Variants in LPAR1 observed in about 807,000 individuals in gnomAD.
LPAR1 encodes lysophosphatidic acid receptor 1.
LPAR1 carries 5 observed loss-of-function variants against 23.8 expected under a neutral mutation model. The observed-to-expected ratio is 0.21, with a 90% CI of 0.11 to 0.44. LPAR1 has a LOEUF of 0.44. Among genes scored for constraint, LPAR1 ranks in the 20% least tolerant of loss-of-function variants. The pLI, the probability that LPAR1 is intolerant of heterozygous loss-of-function variation, is 0.99. For missense variants in LPAR1, 311 were observed against 482.8 expected (o/e 0.64, Z 3.33); for synonymous variants, 160 against 164.7 (o/e 0.97, Z 0.22).
intron 5 of LPAR1, among the ~76,000 whole-genome samples, chr9:110,939,143 G>A (rs531099429): frequency 4.6e-5 from 7 of 152,218 alleles, no homozygotes; most frequent in South Asian, 2.1e-4. Flanking sequence ...CCATGTAACC[G>A]TGCCTATCTA....
chr9:110,943,106 TTA>T (rs1458451640), intron 4 of LPAR1, among the ~76,000 whole-genome samples: 1 of 147,598 alleles, frequency 6.8e-6, no homozygotes, highest in Non-Finnish European at 1.5e-5. Flanking sequence ...TAATATATAA[TTA>T]TATATAATTA....
At chr9:111,038,608 A>C, upstream of LPAR1, 1 of 453,036 alleles carries the variant, frequency 2.2e-6, no homozygotes. This position sits in a 1 kb window ranked among gnomAD's most constrained non-coding sequence, Gnocchi z 4.4. Flanking sequence ...CAACACCCGA[A>C]CCCCCAGAGT....
intron 2 of LPAR1, among the ~76,000 whole-genome samples, chr9:111,011,481 T>C (rs988059051): frequency 1.3e-5 from 2 of 152,182 alleles, no homozygotes; most frequent in Non-Finnish European, 2.9e-5. Context: ...GAAAAACCCA[T>C]CCCTGGGACC....
chr9:110,925,903 C>T (rs1455728087), intron 5 of LPAR1, among the ~76,000 whole-genome samples: 2 of 152,038 alleles, frequency 1.3e-5, no homozygotes, highest in South Asian at 2.1e-4. Context: ...ATTAACATGT[C>T]ATCAGAACTG....
chr9:110,880,137 T>C (rs757070270), intron 5 of LPAR1, among the ~76,000 whole-genome samples: 2 of 152,086 alleles, frequency 1.3e-5, no homozygotes, highest in Non-Finnish European at 2.9e-5. Context: ...ACAAGTAACA[T>C]GGGGTGGAGG....
chr9:110,903,172 A>G (rs2089911596), intron 5 of LPAR1, among the ~76,000 whole-genome samples: 1 of 152,232 alleles, frequency 6.6e-6, no homozygotes, highest in Non-Finnish European at 1.5e-5. Context: ...GTGAAATGAC[A>G]ACTGACACTA....
intron 3 of LPAR1, 77 bp from the exon 4 acceptor site, chr9:110,972,297 G>A: frequency 1.7e-6 from 1 of 590,770 alleles, no homozygotes; most frequent in Non-Finnish European, 3.1e-6. Context: ...GGCCAAAGGA[G>A]GTAAGAATCC....
chr9:110,933,499 AT>A (rs1310070827), intron 5 of LPAR1, among the ~76,000 whole-genome samples: 2 of 152,190 alleles, frequency 1.3e-5, no homozygotes, highest in Admixed American at 1.3e-4. Context: ...TACTTTGTTA[AT>A]TCTGAAACCA....
At chr9:110,925,922 T>C (rs1349599541) in intron 5 of LPAR1, among the ~76,000 whole-genome samples, 1 of 152,120 alleles carries the variant, frequency 6.6e-6, no homozygotes, top group Non-Finnish European at 1.5e-5. Context: ...TGGTTTTTTT[T>C]TGTTTTTTGT....
intron 2 of LPAR1, among the ~76,000 whole-genome samples, chr9:110,982,028 G>T (rs1478815772): frequency 6.6e-6 from 1 of 152,158 alleles, no homozygotes; most frequent in Non-Finnish European, 1.5e-5. Context: ...GTGTTGGTAG[G>T]AGTGTAAATT....
At chr9:110,969,093 A>C (rs1179816724) in intron 4 of LPAR1, among the ~76,000 whole-genome samples, 1 of 152,098 alleles carries the variant, frequency 6.6e-6, no homozygotes, top group Non-Finnish European at 1.5e-5. Flanking sequence ...AATTACATTT[A>C]AATTTTTTCT....
intron 5 of LPAR1, among the ~76,000 whole-genome samples, chr9:110,880,342 T>C (rs2080404064): frequency 6.6e-6 from 1 of 152,142 alleles, no homozygotes; most frequent in African/African-American, 2.4e-5. Context: ...CGAGATCATA[T>C]TACCACACCT....
chr9:110,995,378 AG>A (rs966006972), intron 2 of LPAR1, among the ~76,000 whole-genome samples: 4 of 152,114 alleles, frequency 2.6e-5, no homozygotes, highest in African/African-American at 7.2e-5. Flanking sequence ...TGAGGTGGGG[AG>A]GGGGAAGAAA....
At chr9:110,924,055 G>GTT (rs1312207232) in intron 5 of LPAR1, among the ~76,000 whole-genome samples, 1 of 151,886 alleles carries the variant, frequency 6.6e-6, no homozygotes, top group East Asian at 1.9e-4. Flanking sequence ...TAACACAAAT[G>GTT]GTTGTAACAT....
intron 4 of LPAR1, among the ~76,000 whole-genome samples, chr9:110,951,873 A>C (rs1396560749): frequency 2.0e-5 from 3 of 152,252 alleles, no homozygotes; most frequent in Non-Finnish European, 4.4e-5. Context: ...TGGTGAAGGA[A>C]TAAATCACAA....
At chr9:110,875,878 G>A (rs1401971775) in intron 5 of LPAR1, among the ~76,000 whole-genome samples, 156 bp from the exon 6 acceptor site, 2 of 152,212 alleles carry the variant, frequency 1.3e-5, no homozygotes, top group East Asian at 3.9e-4. Context: ...CATTTCCTGA[G>A]AAAATCAGAA....
intron 5 of LPAR1, among the ~76,000 whole-genome samples, chr9:110,894,336 T>C (rs1369448833): frequency 6.6e-6 from 1 of 152,206 alleles, no homozygotes; most frequent in Non-Finnish European, 1.5e-5. Flanking sequence ...TTGGACAAGT[T>C]ATTCACTTTT....
intron 4 of LPAR1, among the ~76,000 whole-genome samples, chr9:110,963,388 A>G (rs2096072948): frequency 1.3e-5 from 2 of 152,192 alleles, no homozygotes; most frequent in African/African-American, 4.8e-5. Context: ...AGAAGTCTCA[A>G]TGTTTATCTC....
intron 4 of LPAR1, among the ~76,000 whole-genome samples, chr9:110,955,251 C>T (rs540428445): frequency 2.0e-5 from 3 of 152,176 alleles, no homozygotes; most frequent in South Asian, 4.1e-4. Context: ...AAAGATATTC[C>T]ATGCAAATGA....
Sources: gnomAD v4.1 joint callset for allele counts (sites outside exome capture counted in the v4.1 genomes callset) on GRCh38, gnomAD v4.1.1 for gene constraint, Gnocchi (gnomAD v3.1) non-coding constraint, MANE v1.5 for transcripts, NCBI Gene and HGNC (gene_info 2026-07-23, HGNC 2026-07-21) for gene names.